FAF1: variants seen among roughly 807,000 people sequenced by gnomAD.
FAF1 encodes the protein Fas associated factor 1.
Under a neutral mutation model 92.5 loss-of-function variants are expected in FAF1, and 25 were observed. The observed-to-expected ratio is 0.27, with a 90% CI of 0.20 to 0.38. The LOEUF (loss-of-function observed/expected upper bound fraction) is 0.38, where lower values mean the gene tolerates loss of function less well. Among genes scored for constraint, FAF1 ranks in the 10% least tolerant of loss-of-function variants. The pLI, the probability that FAF1 is intolerant of heterozygous loss-of-function variation, is 1.00. For missense variants in FAF1, 636 were observed against 793.3 expected (o/e 0.80, Z 2.38); for synonymous variants, 234 against 273.2 (o/e 0.86, Z 1.42).
intron 1 of FAF1, among the ~76,000 whole-genome samples, chr1:50,889,338 G>A (rs1380637852): frequency 2.6e-5 from 4 of 152,076 alleles, no homozygotes; most frequent in Admixed American, 6.5e-5. Flanking sequence ...TTGATTTTTT[G>A]AAGGGTTTTT....
intron 1 of FAF1, among the ~76,000 whole-genome samples, chr1:50,879,377 T>C (rs1333302983): frequency 6.6e-6 from 1 of 152,118 alleles, no homozygotes; most frequent in African/African-American, 2.4e-5. Flanking sequence ...GGAGGGTGAA[T>C]ACAAAGATGA....
At chr1:50,730,753 A>G (rs1658878842) in intron 6 of FAF1, among the ~76,000 whole-genome samples, 2 of 152,200 alleles carry the variant, frequency 1.3e-5, no homozygotes, top group African/African-American at 2.4e-5. Flanking sequence ...CTAACAGACT[A>G]GGCTCCACAT....
chr1:50,852,219 G>T (rs1466398696), intron 2 of FAF1, among the ~76,000 whole-genome samples: 2 of 152,210 alleles, frequency 1.3e-5, no homozygotes, highest in Non-Finnish European at 2.9e-5. Flanking sequence ...TATTCCTTGG[G>T]TGTCTGGGTT....
chr1:50,645,553 A>G (rs974699396), intron 8 of FAF1, among the ~76,000 whole-genome samples: 1 of 152,194 alleles, frequency 6.6e-6, no homozygotes, highest in Non-Finnish European at 1.5e-5. Flanking sequence ...GCCAGGCGCT[A>G]TGGCTCATGC....
chr1:50,857,721 G>A (rs1252982244), intron 2 of FAF1, among the ~76,000 whole-genome samples: 1 of 151,700 alleles, frequency 6.6e-6, no homozygotes, highest in Non-Finnish European at 1.5e-5. Flanking sequence ...AACTTTAAAA[G>A]TCAATTAAAT....
chr1:50,554,619 C>T (rs557781088), intron 13 of FAF1, among the ~76,000 whole-genome samples: 1 of 152,166 alleles, frequency 6.6e-6, no homozygotes, highest in South Asian at 2.1e-4. Context: ...TTCTTCACTA[C>T]ACCCCACTAA....
At chr1:50,824,689 T>C (rs928989816) in intron 2 of FAF1, among the ~76,000 whole-genome samples, 1 of 152,118 alleles carries the variant, frequency 6.6e-6, no homozygotes, top group Non-Finnish European at 1.5e-5. Flanking sequence ...AGATATGAAA[T>C]CAACCTAAAT....
At chr1:50,537,611 C>T (rs942253256) in intron 14 of FAF1, among the ~76,000 whole-genome samples, 9 of 152,098 alleles carry the variant, frequency 5.9e-5, no homozygotes, top group Non-Finnish European at 1.2e-4. Context: ...AAACCCATTA[C>T]ATGTTAATAT....
chr1:50,946,548 T>C (rs144651812), intron 1 of FAF1, among the ~76,000 whole-genome samples: 3 of 152,350 alleles, frequency 2.0e-5, no homozygotes, highest in African/African-American at 7.2e-5. Flanking sequence ...TTCCAGAATG[T>C]CACGTGTCTG....
intron 4 of FAF1, among the ~76,000 whole-genome samples, chr1:50,753,372 T>G (rs1471240521): frequency 6.6e-6 from 1 of 152,272 alleles, no homozygotes; most frequent in Non-Finnish European, 1.5e-5. Context: ...TACCACTGTA[T>G]GCATATACAA....
intron 1 of FAF1, among the ~76,000 whole-genome samples, chr1:50,874,926 T>C (rs58235906): frequency 0.48 from 73,170 of 151,418 alleles, 19,617 homozygotes; most frequent in African/African-American, 0.71. Context: ...TGGACCACCA[T>C]GCCCAGCTAA....
chr1:50,903,062 T>G lies in FAF1; in HGVS notation c.46-45065A>C, dbSNP rs555396110. ...CTATAATTTTGTTTACATACCTATC[T>G]TCTATCTCCCCTACTAGATTCTTAT... On this transcript the variant is annotated intron_variant, in intron 1 of 18. Coordinates refer to ENST00000396153, the MANE Select transcript of FAF1 (RefSeq NM_007051.3). Among the ~76,000 whole-genome samples, 5 of 152,238 alleles carry G rather than the reference T, an allele frequency of 3.3e-5. No homozygotes were observed. The South Asian group carries it at 1.0e-3, about 32-fold the overall frequency.
chr1:50,506,529 C>T (rs1647060479), intron 15 of FAF1, among the ~76,000 whole-genome samples: 1 of 152,224 alleles, frequency 6.6e-6, no homozygotes, highest in African/African-American at 2.4e-5. Context: ...CCCTCCTCCC[C>T]AAATCCTGGA....
intron 7 of FAF1, among the ~76,000 whole-genome samples, chr1:50,669,867 A>G (rs1403979292): frequency 6.6e-6 from 1 of 152,232 alleles, no homozygotes; most frequent in East Asian, 1.9e-4. Context: ...CACGCCTGTA[A>G]TCCCAGCACT....
intron 1 of FAF1, among the ~76,000 whole-genome samples, chr1:50,912,487 T>A (rs1014619207): frequency 2.0e-5 from 3 of 152,194 alleles, no homozygotes; most frequent in Non-Finnish European, 4.4e-5. Context: ...AAAACCACTT[T>A]AACTCAGTGC....
intron 7 of FAF1, among the ~76,000 whole-genome samples, chr1:50,697,819 G>A (rs1215022758): frequency 1.3e-5 from 2 of 152,006 alleles, no homozygotes; most frequent in Non-Finnish European, 2.9e-5. Context: ...AATAATAGGA[G>A]TACATTGAGG....
At chr1:50,493,519 T>C (rs1646864156) in intron 15 of FAF1, among the ~76,000 whole-genome samples, 1 of 152,226 alleles carries the variant, frequency 6.6e-6, no homozygotes, top group Non-Finnish European at 1.5e-5. Flanking sequence ...TCCTTTCAAA[T>C]TAAAGTTTCT....
Position 50,904,404 on chromosome 1 carries a change from T to C in FAF1, c.46-46407A>G, listed in dbSNP as rs563853556. Among the ~76,000 whole-genome samples, 6 of 152,288 alleles carry C rather than the reference T, an allele frequency of 3.9e-5. No homozygotes were observed. In the South Asian group the frequency reaches 1.2e-3, roughly 32 times the overall value. On this transcript the variant is annotated intron_variant, in intron 1 of 18. Coordinates refer to ENST00000396153, the MANE Select transcript of FAF1 (RefSeq NM_007051.3). ...AGTTTAATTGGCAAGGAGTTTCAGT[T>C]TGAGAAGACGAAAAAGTTCTGGAGA... is the stretch of plus-strand genomic sequence containing the variant.
chr1:50,738,934 G>C lies in FAF1; in HGVS notation c.480C>G (p.His160Gln), dbSNP rs760487361. ...CATAAAGACTGTTGTTTTTTGGCAA[G>C]TGTAGAGATTTTAGGACCGTCTGAA... ...VEDSTVLKSL[H>Q]LPKNNSLYVL... Residue 160 changes from histidine to glutamine, a missense_variant, in exon 6 of 19, where the codon CAC becomes CAG. Coordinates refer to ENST00000396153, the MANE Select transcript of FAF1 (RefSeq NM_007051.3). 3.1e-6 allele frequency: 5 copies of C among 1,605,506 alleles called. No individual in the cohort carries two copies. The highest frequency in any genetic ancestry group is 4.3e-6 in the Non-Finnish European group (5 of 1,175,020).
Sources: gnomAD v4.1 joint callset for allele counts (sites outside exome capture counted in the v4.1 genomes callset) on GRCh38, gnomAD v4.1.1 for gene constraint, MANE v1.5 for transcripts, NCBI Gene and HGNC (gene_info 2026-07-23, HGNC 2026-07-21) for gene names.